The following UBR4 variants were observed in gnomAD, a reference collection of about 807,000 sequenced individuals.
UBR4 encodes the protein ubiquitin protein ligase E3 component n-recognin 4, also known as E3 ubiquitin-protein ligase UBR4.
A neutral mutation model predicts 575.6 loss-of-function variants in UBR4; 124 were observed. The ratio of observed to expected loss-of-function variants is 0.22; its 90% CI spans 0.19 to 0.25. The LOEUF (loss-of-function observed/expected upper bound fraction) is 0.25, where lower values mean the gene tolerates loss of function less well. UBR4 is among the 10% of genes least tolerant of loss of function. The pLI is 1.00. For missense variants in UBR4, 4,818 were observed against 6,478.8 expected, an observed-to-expected ratio of 0.74 and a Z score of 8.80; for synonymous variants, 2,455 against 2,473.7, an observed-to-expected ratio of 0.99 and a Z score of 0.22.
Position 19,086,701 on chromosome 1 carries a change from C to A in UBR4, c.14665G>T (p.Asp4889Tyr). 1 of 1,614,130 alleles carries A rather than the reference C, an allele frequency of 6.2e-7. No individual in the cohort carries two copies. The highest frequency in any genetic ancestry group is 8.5e-7 in the Non-Finnish European group (1 of 1,180,020). The part of the protein sequence containing the change: ...TVSHFNIVHY[D>Y]CHLAAVRLAR... ...TACCTGACGGCAGCCAGATGGCAGTCGTAGTGCACAATGTTGAAGTGGGAC... is the reference window on the plus strand; with the variant it reads ...TACCTGACGGCAGCCAGATGGCAGTAGTAGTGCACAATGTTGAAGTGGGAC... Residue 4889 changes from aspartate to tyrosine, a missense_variant, in exon 100 of 106, where the codon GAC becomes TAC. Around this residue, in one of 29 missense-constraint regions of UBR4, gnomAD observed 196 missense variants for 386.8 expected, o/e 0.51. Transcript: ENST00000375254.
chr1:19,157,785 A>C lies in UBR4; in HGVS notation c.5760+30T>G. 1.9e-6 allele frequency: 3 copies of C among 1,607,954 alleles called. No homozygotes were observed. Among genetic ancestry groups the C allele is most frequent in the Non-Finnish European group, 2.6e-6 (3 of 1,175,528 alleles). On this transcript the variant is annotated intron_variant, in intron 40 of 105. Coordinates refer to ENST00000375254, the MANE Select transcript of UBR4 (RefSeq NM_020765.3). This position sits in a 1 kb window ranked among gnomAD's most constrained non-coding sequence, Gnocchi z 4.4. Reference sequence around the variant, plus strand: ...TTAGCATTTAAGACAATATGACCTAAAGTAAGCGCACAAGAATTGGAGGAC... The same window carrying C: ...TTAGCATTTAAGACAATATGACCTACAGTAAGCGCACAAGAATTGGAGGAC...
chr1:19,108,744 T>G (rs1396110007), intron 81 of UBR4, among the ~76,000 whole-genome samples: 1 of 152,132 alleles, frequency 6.6e-6, no homozygotes, highest in East Asian at 1.9e-4. Flanking sequence ...CTTAGGACAA[T>G]TATGAAAATA....
intron 33 of UBR4, 114 bp downstream of exon 33, chr1:19,164,139 C>G (rs553308614): frequency 1.5e-6 from 2 of 1,290,522 alleles, no homozygotes; most frequent in Non-Finnish European, 2.1e-6. Context: ...CTCCCAAACT[C>G]CAATGAAAGG....
At chr1:19,120,142 C>T (rs1260955251) in intron 69 of UBR4, 38 bp downstream of exon 69, 3 of 1,606,982 alleles carry the variant, frequency 1.9e-6, no homozygotes, top group Non-Finnish European at 2.6e-6. Context: ...CCTGGCCTCA[C>T]ACCCTTGCAG....
intron 11 of UBR4, among the ~76,000 whole-genome samples, chr1:19,188,516 T>C (rs2091775236): frequency 6.6e-6 from 1 of 152,200 alleles, no homozygotes; most frequent in African/African-American, 2.4e-5. Context: ...TTCATACTAC[T>C]GCACTCCAAC....
In UBR4 at chr1:19,081,523, T is replaced by A. The variant is rs538895156; in HGVS notation, c.15059A>T (p.Gln5020Leu). The A allele has an allele frequency of 1.2e-6, 2 of 1,614,038 alleles. No individual in the cohort carries two copies. The highest frequency in any genetic ancestry group is 4.5e-5 in the East Asian group (2 of 44,842). ...EEKNLQGFLE[Q>L]PKEKWVESAF... ...ACTCTCCACCCACTTCTCCTTGGGCTGTTCCAGAAAGCCTTGGAGGTTCTT... is the reference window on the plus strand; with the variant it reads ...ACTCTCCACCCACTTCTCCTTGGGCAGTTCCAGAAAGCCTTGGAGGTTCTT... The change falls in exon 103 of 106, where the codon CAG becomes CTG. Residue 5020 changes from glutamine (Q) to leucine (L), a missense_variant. This residue lies in a region of UBR4 where 212 missense variants were observed against 221.3 expected (regional missense o/e 0.96). Coordinates refer to ENST00000375254, the MANE Select transcript of UBR4 (RefSeq NM_020765.3).
chr1:19,124,737 A>G (rs1477681387), intron 64 of UBR4, 47 bp from the exon 65 acceptor site: 8 of 1,594,044 alleles, frequency 5.0e-6, no homozygotes, highest in East Asian at 2.2e-5. Flanking sequence ...TCGATTTTCC[A>G]TGACCACAAT....
In UBR4 at chr1:19,081,557, G is replaced by A. The variant is rs758428702; in HGVS notation, c.15025C>T (p.Arg5009Ter). 5 of 1,613,984 alleles carry A rather than the reference G, an allele frequency of 3.1e-6. No homozygotes were observed. The highest frequency in any genetic ancestry group is 4.2e-6 in the Non-Finnish European group (5 of 1,180,010). Residue 5009 changes from arginine to a stop codon, truncating the protein, a stop_gained, in exon 103 of 106, where the codon CGA (arginine) becomes TGA (stop). Transcript: ENST00000375254. LOFTEE classifies it high-confidence loss of function. ...AAGCCTTGGAGGTTCTTCTCTTCTCGGGAAGTTGCTCGGGTTCTAGAAGAA... is the reference window on the plus strand; with the variant it reads ...AAGCCTTGGAGGTTCTTCTCTTCTCAGGAAGTTGCTCGGGTTCTAGAAGAA... Reference protein sequence around the residue: ...YVLNTTRATSREEKNLQGFLE... With the variant: ...YVLNTTRATS
intron 60 of UBR4, among the ~76,000 whole-genome samples, chr1:19,131,792 G>A (rs889059886): frequency 6.6e-6 from 1 of 152,252 alleles, no homozygotes; most frequent in Non-Finnish European, 1.5e-5. Context: ...AGAATCGCTT[G>A]AACCCGGGCG....
chr1:19,132,446 T>C (rs2082594033), intron 60 of UBR4, among the ~76,000 whole-genome samples: 1 of 151,216 alleles, frequency 6.6e-6, no homozygotes, highest in Admixed American at 6.6e-5. Context: ...CCTCCCAAAG[T>C]GATGGGATTA....
At position 19,124,677 on chromosome 1, in the gene UBR4, T is replaced by C; in HGVS notation, c.9452A>G (p.Asp3151Gly). ...AAGCTGAGTATAGGCCTCAAACACA[T>C]CAGCAGCATGACCCTGGGAGAAGAA... is the stretch of plus-strand genomic sequence containing the variant. ...LRQYVKGHAA[D>G]VFEAYTQLLT... Residue 3151 changes from aspartate to glycine, a missense_variant, in exon 65 of 106, where the codon GAT becomes GGT. By Grantham distance (94) the Asp-to-Gly change is moderately conservative (BLOSUM62 -1). Transcript: ENST00000375254. 6.2e-7 allele frequency: 1 copy of C among 1,613,636 alleles called. No homozygotes were observed. The highest frequency in any genetic ancestry group is 8.5e-7 in the Non-Finnish European group (1 of 1,179,780).
chr1:19,207,388 G>A (rs750515149), intron 1 of UBR4, among the ~76,000 whole-genome samples: 5 of 152,218 alleles, frequency 3.3e-5, no homozygotes, highest in African/African-American at 1.2e-4. Flanking sequence ...CAGCACTTTG[G>A]AAGGCCAAGG....
chr1:19,173,746 G>C (rs1426702044), intron 22 of UBR4, 125 bp from the exon 23 acceptor site: 3 of 942,606 alleles, frequency 3.2e-6, no homozygotes, highest in Non-Finnish European at 4.7e-6. Flanking sequence ...TTTAAATTGA[G>C]ATTTGGCCCC....
Position 19,117,812 on chromosome 1 carries a change from A to G in UBR4, c.10629+11T>C. 2 of 1,613,702 alleles carry G rather than the reference A, an allele frequency of 1.2e-6. No homozygotes were observed. The highest frequency in any genetic ancestry group is 1.7e-6 in the Non-Finnish European group (2 of 1,179,568). ...TGGCCTCAGGACTGTCCATGTACAGATGTTACTTACACAGAACGGTACTTC... is the reference window on the plus strand; with the variant it reads ...TGGCCTCAGGACTGTCCATGTACAGGTGTTACTTACACAGAACGGTACTTC... On this transcript the variant is annotated intron_variant, in intron 72 of 105. Transcript: ENST00000375254. The surrounding 1 kb of genome is among the most constrained non-coding windows in gnomAD (Gnocchi z 4.0).
chr1:19,103,506 G>A (rs1182348046), intron 87 of UBR4, among the ~76,000 whole-genome samples: 1 of 152,040 alleles, frequency 6.6e-6, no homozygotes, highest in Non-Finnish European at 1.5e-5. Flanking sequence ...CAGAGGTTGC[G>A]GTGAGCCAAG....
chr1:19,081,074 T>C (rs1010309508), intron 103 of UBR4: 2 of 368,838 alleles, frequency 5.4e-6, no homozygotes, highest in Non-Finnish European at 9.8e-6. Flanking sequence ...ATTGGTTTTA[T>C]CACCCTGTGC....
In UBR4 at chr1:19,076,911, A is replaced by C; in HGVS notation, c.15325-9T>G. 5 of 1,542,730 alleles carry C rather than the reference A, an allele frequency of 3.2e-6. No individual in the cohort carries two copies. Among genetic ancestry groups the C allele is most frequent in the Non-Finnish European group, 4.4e-6 (5 of 1,147,604 alleles). On this transcript the variant is annotated splice_polypyrimidine_tract_variant and intron_variant, in intron 104 of 105. Coordinates refer to ENST00000375254, the MANE Select transcript of UBR4 (RefSeq NM_020765.3). ...TTACTGGTAGGCACCTTCTACGAGA[A>C]TCAACAGGAGACAAGAGAGGTGGGT...
chr1:19,134,690 T>C (rs1200713779), intron 60 of UBR4, among the ~76,000 whole-genome samples: 1 of 152,026 alleles, frequency 6.6e-6, no homozygotes, highest in Non-Finnish European at 1.5e-5. Flanking sequence ...GGGGAAGGTC[T>C]TCATTTTTTT....
At chr1:19,133,957 A>G (rs929736783) in intron 60 of UBR4, among the ~76,000 whole-genome samples, 1 of 151,986 alleles carries the variant, frequency 6.6e-6, no homozygotes, top group Non-Finnish European at 1.5e-5. Flanking sequence ...GTGGTGGCAC[A>G]TGCCTGTAAT....
Sources: gnomAD v4.1 joint callset for allele counts (sites outside exome capture counted in the v4.1 genomes callset) on GRCh38, gnomAD v4.1.1 for gene constraint, gnomAD v4.1.1 regional missense constraint, Gnocchi (gnomAD v3.1) non-coding constraint, MANE v1.5 for transcripts, NCBI Gene and HGNC (gene_info 2026-07-23, HGNC 2026-07-21) for gene names.